CMTR1: variants seen among roughly 807,000 people sequenced by gnomAD.
The protein encoded by CMTR1 is cap methyltransferase 1.
A neutral mutation model predicts 107.0 loss-of-function variants in CMTR1; 39 were observed. The observed-to-expected ratio is 0.36, with a 90% CI of 0.28 to 0.48. The LOEUF is 0.48. CMTR1 is among the 20% of genes least tolerant of loss of function. The pLI is 0.99. For missense variants in CMTR1, 672 were observed against 1,064.9 expected (o/e 0.63, Z 5.14); for synonymous variants, 366 against 379.5 (o/e 0.96, Z 0.41).
intron 2 of CMTR1, among the ~76,000 whole-genome samples, chr6:37,442,222 G>T (rs1771691125): frequency 2.0e-5 from 3 of 152,194 alleles, no homozygotes. Flanking sequence ...CTTTTAAACG[G>T]TATCAGTGTT....
At chr6:37,434,736 G>C (rs1771484457) in intron 1 of CMTR1, among the ~76,000 whole-genome samples, 1 of 152,026 alleles carries the variant, frequency 6.6e-6, no homozygotes, top group Non-Finnish European at 1.5e-5. Flanking sequence ...CGGTTCTCCT[G>C]AGTAGCTGGG....
intron 2 of CMTR1, among the ~76,000 whole-genome samples, chr6:37,440,967 T>C (rs569261860): frequency 3.3e-4 from 51 of 152,308 alleles, no homozygotes; most frequent in South Asian, 6.2e-4. Context: ...TTTCAGACTT[T>C]TTCATAGGTA....
intron 12 of CMTR1, 23 bp downstream of exon 12, chr6:37,462,125 A>G: frequency 1.2e-6 from 2 of 1,613,908 alleles, no homozygotes; most frequent in South Asian, 2.2e-5. Context: ...TCTCTATATT[A>G]GCCAGATTAA....
At chr6:37,443,943 C>G (rs1771726946) in intron 2 of CMTR1, 56 bp from the exon 3 acceptor site, 3 of 1,581,290 alleles carry the variant, frequency 1.9e-6, no homozygotes, top group African/African-American at 1.4e-5. Context: ...ACTTGGATGT[C>G]TGGAGGCTAT....
intron 3 of CMTR1, 121 bp downstream of exon 3, chr6:37,444,271 C>T: frequency 6.4e-6 from 8 of 1,258,700 alleles, no homozygotes; most frequent in Non-Finnish European, 8.8e-6. Context: ...TTTTCAGCTA[C>T]TGAAATTTAG....
chr6:37,442,956 A>G (rs1207020375), intron 2 of CMTR1, among the ~76,000 whole-genome samples: 2 of 152,240 alleles, frequency 1.3e-5, no homozygotes, highest in South Asian at 2.1e-4. Flanking sequence ...TGCTAAGTCA[A>G]TATTTTCATA....
intron 1 of CMTR1, among the ~76,000 whole-genome samples, chr6:37,434,582 A>T (rs1771479011): frequency 6.6e-6 from 1 of 151,928 alleles, no homozygotes; most frequent in South Asian, 2.1e-4. Flanking sequence ...CATGTACCTA[A>T]CCATGGGGAT....
chr6:37,440,585 A>G (rs1771651449), intron 2 of CMTR1, among the ~76,000 whole-genome samples: 1 of 152,226 alleles, frequency 6.6e-6, no homozygotes, highest in South Asian at 2.1e-4. Context: ...TTTTACTCCC[A>G]TTAACCTCAC....
chr6:37,469,483 A>G (rs929308986), intron 13 of CMTR1, among the ~76,000 whole-genome samples: 4 of 130,942 alleles, frequency 3.1e-5, no homozygotes, highest in Non-Finnish European at 6.6e-5. Context: ...TCTTCAGGAA[A>G]TTTCTTGGCC....
intron 13 of CMTR1, among the ~76,000 whole-genome samples, chr6:37,466,181 C>T (rs1437226287): frequency 1.4e-5 from 2 of 144,526 alleles, no homozygotes; most frequent in Non-Finnish European, 3.0e-5. Context: ...GGCACAATCT[C>T]GGCTCACTGC....
At chr6:37,428,623 A>T (rs927542886), upstream of CMTR1, among the ~76,000 whole-genome samples, 1 of 151,808 alleles carries the variant, frequency 6.6e-6, no homozygotes. Flanking sequence ...GCGCCTGGCT[A>T]ATTTTTGTAT....
At chr6:37,446,562 G>T in intron 4 of CMTR1, 113 bp downstream of exon 4, 1 of 1,291,844 alleles carries the variant, frequency 7.7e-7, no homozygotes, top group Non-Finnish European at 1.1e-6. Flanking sequence ...GAGCAAAGTG[G>T]AATTAGTTTT....
At chr6:37,464,427 A>G (rs778467526) in intron 13 of CMTR1, among the ~76,000 whole-genome samples, 13 of 151,456 alleles carry the variant, frequency 8.6e-5, no homozygotes, top group African/African-American at 1.7e-4. Context: ...AGATCGCGCC[A>G]CTGCACTCCA....
At chr6:37,425,182 T>G in the CMTR1 span, among the ~76,000 whole-genome samples, 1,792 of 151,570 alleles carry the variant, frequency 0.012, 32 homozygotes, top group African/African-American at 0.038. Flanking sequence ...GACTTCATGA[T>G]CCGCCCGCCT....
chr6:37,468,546 A>G (rs544152781), intron 13 of CMTR1, among the ~76,000 whole-genome samples: 10 of 152,332 alleles, frequency 6.6e-5, no homozygotes, highest in African/African-American at 2.4e-4. Context: ...CTGTCTTTGT[A>G]GTACAAGTCT....
At chr6:37,457,055 TAAA>T (rs759840483) in intron 8 of CMTR1, among the ~76,000 whole-genome samples, 1 of 140,014 alleles carries the variant, frequency 7.1e-6, no homozygotes, top group African/African-American at 2.6e-5. Flanking sequence ...ATCCTGTCTC[TAAA>T]AAAAAAAAAA....
At chr6:37,463,612 A>G (rs946002460) in intron 13 of CMTR1, among the ~76,000 whole-genome samples, 2 of 152,130 alleles carry the variant, frequency 1.3e-5, no homozygotes, top group African/African-American at 4.8e-5. Context: ...AGGGTTGTAT[A>G]GTAGTAGTGA....
intron 4 of CMTR1, among the ~76,000 whole-genome samples, chr6:37,447,867 C>CA (rs572445344): frequency 0.05 from 5,652 of 113,366 alleles, 358 homozygotes; most frequent in African/African-American, 0.16. Context: ...GACTTTGTCT[C>CA]AAAAAAAAAA....
At chr6:37,430,263 TAG>T (rs1351269297), upstream of CMTR1, among the ~76,000 whole-genome samples, 1 of 152,228 alleles carries the variant, frequency 6.6e-6, no homozygotes, top group Non-Finnish European at 1.5e-5. Context: ...AATCCTCAGA[TAG>T]TTGTTCCATG....
Sources: gnomAD v4.1 joint callset for allele counts (sites outside exome capture counted in the v4.1 genomes callset) on GRCh38, gnomAD v4.1.1 for gene constraint, MANE v1.5 for transcripts, NCBI Gene and HGNC (gene_info 2026-07-23, HGNC 2026-07-21) for gene names.